Variants in UNC5A observed in about 807,000 individuals in gnomAD.
UNC5A encodes netrin receptor UNC5A.
UNC5A carries 20 observed loss-of-function variants against 87.4 expected under a neutral mutation model. That is an observed-to-expected ratio of 0.23 (90% CI 0.16 to 0.33). The LOEUF (loss-of-function observed/expected upper bound fraction) is 0.33. UNC5A is among the 10% of genes least tolerant of loss of function. UNC5A has a pLI of 1.00. For synonymous variants in UNC5A, 438 were observed against 482.3 expected (o/e 0.91, Z 1.20); for missense variants, 844 against 1,133.4 (o/e 0.74, Z 3.67).
chr5:176,834,455 C>G (rs1757100238), intron 1 of UNC5A, among the ~76,000 whole-genome samples: 2 of 152,164 alleles, frequency 1.3e-5, no homozygotes, highest in African/African-American at 4.8e-5. Context: ...AAAGAGTTTT[C>G]TATGGAGCAT....
At chr5:176,857,849 G>A (rs532835721) in intron 1 of UNC5A, among the ~76,000 whole-genome samples, 5 of 152,316 alleles carry the variant, frequency 3.3e-5, no homozygotes, top group African/African-American at 9.6e-5. Context: ...ATTCCAAGCG[G>A]GCAGCCAGGC....
chr5:176,833,183 C>T (rs949355321), intron 1 of UNC5A, among the ~76,000 whole-genome samples: 1 of 152,154 alleles, frequency 6.6e-6, no homozygotes, highest in Non-Finnish European at 1.5e-5. Context: ...CAAGGTGGTG[C>T]GTGTGCAGGA....
At chr5:176,812,060 C>T (rs1004079289) in intron 1 of UNC5A, among the ~76,000 whole-genome samples, 6 of 152,140 alleles carry the variant, frequency 3.9e-5, no homozygotes, top group African/African-American at 1.4e-4. Flanking sequence ...GTACCCCTCT[C>T]TACTCCATCC....
intron 1 of UNC5A, among the ~76,000 whole-genome samples, chr5:176,832,601 T>G (rs1013257292): frequency 6.6e-6 from 1 of 152,214 alleles, no homozygotes; most frequent in African/African-American, 2.4e-5. Context: ...CCGCTGCTGC[T>G]ATGACCATGT....
chr5:176,877,775 G>C, intron 10 of UNC5A, 72 bp downstream of exon 10: 1 of 1,522,364 alleles, frequency 6.6e-7, no homozygotes, highest in Admixed American at 1.9e-5. Flanking sequence ...GCCTTCCACC[G>C]CTGGGTGGTC....
At position 176,868,116 on chromosome 5, in the gene UNC5A, C is replaced by T; in HGVS notation, c.293-14C>T. 2.5e-6 allele frequency: 4 copies of T among 1,609,002 alleles called. No homozygotes were observed. Among genetic ancestry groups the T allele is most frequent in the Non-Finnish European group, 3.4e-6 (4 of 1,177,810 alleles). Reference sequence around the variant, plus strand: ...GGCCCTGGGGCTCTGACTACCTGCCCCTCCCGCCCCCAGGGCTGCCCACCA... The same window carrying T: ...GGCCCTGGGGCTCTGACTACCTGCCTCTCCCGCCCCCAGGGCTGCCCACCA... On this transcript the variant is annotated splice_polypyrimidine_tract_variant and intron_variant, in intron 2 of 14. Transcript: ENST00000329542.
intron 1 of UNC5A, among the ~76,000 whole-genome samples, chr5:176,826,735 G>T (rs1282748240): frequency 6.7e-6 from 1 of 149,176 alleles, no homozygotes; most frequent in Non-Finnish European, 1.5e-5. Flanking sequence ...CCATCTCCCG[G>T]GTTCACGCCA....
chr5:176,828,606 G>A (rs561237765), intron 1 of UNC5A, among the ~76,000 whole-genome samples: 1 of 152,350 alleles, frequency 6.6e-6, no homozygotes, highest in East Asian at 1.9e-4. Context: ...CCAACCTCAA[G>A]TAGCAGCCTG....
chr5:176,865,857 G>C lies in UNC5A; in HGVS notation c.293-2273G>C, dbSNP rs1387584049. ...CCTCATTCCTCACCCAGAAGGCCAG[G>C]GGGCAGGGACCAAGGCCTGAAGTGC... On this transcript the variant is annotated intron_variant, in intron 2 of 14. Coordinates refer to ENST00000329542, the MANE Select transcript of UNC5A (RefSeq NM_133369.3). The surrounding 1 kb of genome is among the most constrained non-coding windows in gnomAD (Gnocchi z 5.3). The C allele has an allele frequency of 2.8e-6, 1 of 353,446 alleles. No individual in the cohort carries two copies. The highest frequency in any genetic ancestry group is 5.6e-6 in the Non-Finnish European group (1 of 177,580). The allele number at this position is 353,446 out of a possible 1,614,324, so 21.9% of individuals were successfully genotyped here.
chr5:176,878,234 G>C lies in UNC5A; in HGVS notation c.1870-10G>C. 2 of 1,609,860 alleles carry C rather than the reference G, an allele frequency of 1.2e-6. No homozygotes were observed. The highest frequency in any genetic ancestry group is 1.7e-6 in the Non-Finnish European group (2 of 1,179,050). ...GGAGGGGCCTGGGCTGACCACCTGG[G>C]GCACTGCAGGAGGTGGTGCAGCTGG... On this transcript the variant is annotated splice_polypyrimidine_tract_variant and intron_variant, in intron 11 of 14. Coordinates refer to ENST00000329542, the MANE Select transcript of UNC5A (RefSeq NM_133369.3).
chr5:176,868,333 G>A lies in UNC5A; in HGVS notation c.436+60G>A, dbSNP rs555155450. On this transcript the variant is annotated intron_variant, in intron 3 of 14. Transcript: ENST00000329542. ...CGGCGGGAGGGTGTCACCAGGAGAG[G>A]GGACAGTAGGCTTCCTGGAAGAGGC... The A allele has an allele frequency of 2.5e-6, 4 of 1,601,168 alleles. No individual in the cohort carries two copies. In the East Asian group the frequency reaches 6.7e-5, roughly 27 times the overall value.
chr5:176,840,686 C>A (rs77921397), intron 1 of UNC5A, among the ~76,000 whole-genome samples: 2,749 of 152,312 alleles, frequency 0.018, 40 homozygotes, highest in Non-Finnish European at 0.027. Context: ...CTCTCCCCCC[C>A]TGGCCCAGGC....
rs540642381 is a variant in UNC5A at position 176,844,493 on chromosome 5, C to T, written c.71-18131C>T. Among the ~76,000 whole-genome samples the T allele has an allele frequency of 2.0e-5, 3 of 152,158 alleles. No homozygotes were observed. Among genetic ancestry groups the T allele is most frequent in the East Asian group, 1.9e-4 (1 of 5,190 alleles). ...CGGGATGATATGAGCTGGCCGTGGGCGCCCACTGCATACAGCAGGTTGGTG... is the reference window on the plus strand; with the variant it reads ...CGGGATGATATGAGCTGGCCGTGGGTGCCCACTGCATACAGCAGGTTGGTG... On this transcript the variant is annotated intron_variant, in intron 1 of 14. Transcript: ENST00000329542. The surrounding 1 kb of genome is among the most constrained non-coding windows in gnomAD (Gnocchi z 4.2).
Position 176,880,085 on chromosome 5 carries a change from C to A in UNC5A, c.*199C>A. The A allele has an allele frequency of 1.5e-6, 1 of 675,784 alleles. No individual in the cohort carries two copies. Among genetic ancestry groups the A allele is most frequent in the Non-Finnish European group, 2.4e-6 (1 of 415,854 alleles). 41.9% of individuals were successfully genotyped at this position (675,784 alleles called of 1,614,324 possible). On this transcript the variant is annotated 3_prime_UTR_variant, in exon 15 of 15. Transcript: ENST00000329542. ...TCCATGGCCTGCCTAGCCAGGCTGG[C>A]ACTGCCACTCACACTCGGCCCCAGG... is the stretch of plus-strand genomic sequence containing the variant.
chr5:176,871,052 A>G (rs1388351582), intron 6 of UNC5A, among the ~76,000 whole-genome samples: 22 of 2,826 alleles, frequency 7.8e-3, no homozygotes, highest in African/African-American at 0.05. Context: ...ATCTGCCCAC[A>G]CTCGCCCCAC....
chr5:176,833,786 G>A (rs1380932204), intron 1 of UNC5A, among the ~76,000 whole-genome samples: 2 of 149,674 alleles, frequency 1.3e-5, no homozygotes, highest in South Asian at 2.1e-4. Flanking sequence ...TCCGCTCACT[G>A]CAAGCTCCAC....
chr5:176,867,108 A>G (rs963175483), intron 2 of UNC5A, among the ~76,000 whole-genome samples: 2 of 152,212 alleles, frequency 1.3e-5, no homozygotes, highest in African/African-American at 4.8e-5. Context: ...TTCGCTGTTA[A>G]CAATGGAAAC....
intron 1 of UNC5A, among the ~76,000 whole-genome samples, chr5:176,821,804 A>G (rs1177653575): frequency 6.6e-6 from 1 of 152,220 alleles, no homozygotes; most frequent in Non-Finnish European, 1.5e-5. Flanking sequence ...GGACAAAGGC[A>G]TCTCAGGCCT....
At chr5:176,826,153 A>G (rs1756847787) in intron 1 of UNC5A, among the ~76,000 whole-genome samples, 1 of 152,202 alleles carries the variant, frequency 6.6e-6, no homozygotes, top group Non-Finnish European at 1.5e-5. Context: ...CCAGAGACGC[A>G]CAGCAGGAGG....
Sources: gnomAD v4.1 joint callset for allele counts (sites outside exome capture counted in the v4.1 genomes callset) on GRCh38, gnomAD v4.1.1 for gene constraint, Gnocchi (gnomAD v3.1) non-coding constraint, MANE v1.5 for transcripts, NCBI Gene and HGNC (gene_info 2026-07-23, HGNC 2026-07-21) for gene names.